LRIG3: variants seen among roughly 807,000 people sequenced by gnomAD.
The protein encoded by LRIG3 is leucine-rich repeats and immunoglobulin-like domains protein 3.
A neutral mutation model predicts 114.5 loss-of-function variants in LRIG3; 76 were observed. The observed-to-expected ratio is 0.66, with a 90% CI of 0.55 to 0.80. The LOEUF (loss-of-function observed/expected upper bound fraction) is 0.80, where lower values mean the gene tolerates loss of function less well. Ranked by LOEUF, LRIG3 falls within the 30% of genes least tolerant of loss-of-function variation. The pLI is 0.00. For missense variants in LRIG3, 1,239 were observed against 1,382.8 expected, an observed-to-expected ratio of 0.90 and a Z score of 1.65; for synonymous variants, 512 against 519.8, an observed-to-expected ratio of 0.98 and a Z score of 0.20.
chr12:58,890,187 T>A, intron 4 of LRIG3, 48 bp from the exon 5 acceptor site: 2 of 1,599,714 alleles, frequency 1.3e-6, no homozygotes, highest in Non-Finnish European at 1.7e-6. Context: ...TATTTGCAAG[T>A]TAAAGTGCAG....
chr12:58,874,400 G>C, intron 17 of LRIG3, 30 bp downstream of exon 17: 2 of 1,613,376 alleles, frequency 1.2e-6, no homozygotes, highest in Non-Finnish European at 1.7e-6. Flanking sequence ...CTAAGAAACA[G>C]AACTGTACTC....
chr12:58,914,330 T>C lies in LRIG3; in HGVS notation c.243A>G (p.Leu81=), dbSNP rs778626229. 6.2e-7 allele frequency: 1 copy of C among 1,611,606 alleles called. No individual in the cohort carries two copies. Among genetic ancestry groups the C allele is most frequent in the Non-Finnish European group, 8.5e-7 (1 of 1,178,368 alleles). The change falls in exon 2 of 19, where the codon TTA becomes TTG. Residue 81 remains leucine (L), a synonymous_variant. Coordinates refer to ENST00000320743, the MANE Select transcript of LRIG3 (RefSeq NM_153377.5). The part of the protein sequence containing the change: ...PLPSWVARLD[L]SHNRLSFIKA... ...TGATGAAAGATAATCTGTTGTGACT[T>C]AAGTCCCTATAAGAAAACAAAAATA...
chr12:58,872,389 T>C lies in LRIG3; in HGVS notation c.*183A>G, dbSNP rs1410722434. 5.0e-5 allele frequency: 24 copies of C among 483,538 alleles called. No individual in the cohort carries two copies. Among genetic ancestry groups the C allele is most frequent in the Non-Finnish European group, 5.7e-5 (17 of 298,332 alleles). The allele number at this position is 483,538 out of a possible 1,614,324, so 30.0% of individuals were successfully genotyped here. The stretch of plus-strand genomic sequence containing the variant: ...AATAGTTTAAAAAGGTATTCTTATA[T>C]GAGCATCATTCCCAGTATAAAAATT... On this transcript the variant is annotated 3_prime_UTR_variant, in exon 19 of 19. Transcript: ENST00000320743.
chr12:58,887,162 G>A (rs982004018), intron 8 of LRIG3: 8 of 350,586 alleles, frequency 2.3e-5, no homozygotes, highest in African/African-American at 1.1e-4. Context: ...TGAATGATCC[G>A]AACAGTCTGA....
At chr12:58,883,178 A>C in intron 11 of LRIG3, 146 bp from the exon 12 acceptor site, 1 of 754,410 alleles carries the variant, frequency 1.3e-6, no homozygotes, top group Non-Finnish European at 2.0e-6. Flanking sequence ...AGTCCATTTT[A>C]AAATACAAGA....
intron 3 of LRIG3, among the ~76,000 whole-genome samples, chr12:58,911,988 T>C (rs1181383599): frequency 6.6e-6 from 1 of 152,200 alleles, no homozygotes; most frequent in Non-Finnish European, 1.5e-5. Context: ...GGATGTATCA[T>C]TATGTGAGAC....
At position 58,872,665 on chromosome 12, in the gene LRIG3, TG is replaced by T. The variant is rs777126568; in HGVS notation, c.3266del (p.Thr1089LysfsTer16). 4.3e-6 allele frequency: 7 copies of T among 1,614,158 alleles called. No homozygotes were observed. In the African/African-American group the frequency reaches 8.0e-5, roughly 18 times the overall value. The stretch of plus-strand genomic sequence containing the variant: ...AAATGTGATTTTCTTCCTGAAAATC[TG>T]TCCTTTCTTTCCCATCTTCCTCTGA... ...SGSEEDGKERTDFQEENHICT... is the reference protein window; with the variant it reads ...SGSEEDGKERXDFQEENHICT... On this transcript the variant is annotated frameshift_variant, in exon 19 of 19. Transcript: ENST00000320743. LOFTEE classifies it high-confidence loss of function.
intron 8 of LRIG3, among the ~76,000 whole-genome samples, 194 bp downstream of exon 8, chr12:58,887,595 C>A (rs1871316715): frequency 6.6e-6 from 1 of 152,144 alleles, no homozygotes; most frequent in Non-Finnish European, 1.5e-5. Flanking sequence ...TGATCACTGT[C>A]CTTTTTAATC....
rs1159656891 is a variant in LRIG3, at chr12:58,874,171, G to C, written c.2999C>G (p.Thr1000Ser). ...AGGTCCTTCATTGTGAGAGTAACTA[G>C]TGTTAAGTAGCTTCCTCACATGTGA... is the stretch of plus-strand genomic sequence containing the variant. Reference protein sequence around the residue: ...WPSHVRKLLNTSYSHNEGPGM... With the variant: ...WPSHVRKLLNSSYSHNEGPGM... Residue 1000 changes from threonine (T) to serine (S), a missense_variant, in exon 18 of 19, where the codon ACT becomes AGT. By Grantham distance (58) the Thr-to-Ser change is moderately conservative (BLOSUM62 1). Transcript: ENST00000320743. 1.9e-6 allele frequency: 3 copies of C among 1,614,104 alleles called. No homozygotes were observed. The highest frequency in any genetic ancestry group is 2.5e-6 in the Non-Finnish European group (3 of 1,180,048).
intron 1 of LRIG3, chr12:58,919,338 A>T (rs1247541264): frequency 1.3e-6 from 2 of 1,532,690 alleles, no homozygotes; most frequent in Non-Finnish European, 1.8e-6. Context: ...AGCTACAGAA[A>T]TCACGCCCTT....
chr12:58,875,042 T>TG (rs1870868334), intron 16 of LRIG3, among the ~76,000 whole-genome samples: 1 of 152,244 alleles, frequency 6.6e-6, no homozygotes, highest in Admixed American at 6.5e-5. Flanking sequence ...GAGTAAATGA[T>TG]ATCATCAGGG....
In LRIG3 at chr12:58,877,634, C is replaced by G. The variant is rs1197691131; in HGVS notation, c.2302G>C (p.Glu768Gln). 1 of 1,614,216 alleles carries G rather than the reference C, an allele frequency of 6.2e-7. No homozygotes were observed. Among genetic ancestry groups the G allele is most frequent in the Non-Finnish European group, 8.5e-7 (1 of 1,180,046 alleles). ...TCAGTGCCAAGGGTGTTAGACATCT[C>G]ACATGTGTATTTCCCAGCATCACTG... ...DVSDAGKYTCEMSNTLGTERG... is the reference protein window; with the variant it reads ...DVSDAGKYTCQMSNTLGTERG... Residue 768 changes from glutamate to glutamine, a missense_variant, in exon 15 of 19, where the codon GAG (glutamate) becomes CAG (glutamine). Physicochemically the swap from Glu to Gln is conservative, Grantham distance 29. Coordinates refer to ENST00000320743, the MANE Select transcript of LRIG3 (RefSeq NM_153377.5).
At chr12:58,903,395 T>C (rs12824747) in intron 3 of LRIG3, among the ~76,000 whole-genome samples, 4 of 152,208 alleles carry the variant, frequency 2.6e-5, no homozygotes, top group African/African-American at 9.6e-5. Flanking sequence ...TCATATCCTT[T>C]GCCCACTTTT....
chr12:58,891,197 C>G (rs905788434), intron 3 of LRIG3, among the ~76,000 whole-genome samples: 1 of 152,088 alleles, frequency 6.6e-6, no homozygotes, highest in Non-Finnish European at 1.5e-5. Context: ...CTCACTGCAG[C>G]TCAAACTCCT....
intron 12 of LRIG3, 104 bp downstream of exon 12, chr12:58,882,765 A>G (rs1301417307): frequency 4.8e-6 from 6 of 1,254,838 alleles, no homozygotes; most frequent in East Asian, 2.5e-5. Context: ...CAGAAATAAA[A>G]GCTTTATAAA....
chr12:58,883,004 C>G lies in LRIG3; in HGVS notation c.1345G>C (p.Asp449His), dbSNP rs146931795. The part of the protein sequence containing the change: ...LHLNTSSLLC[D>H]CQLKWLPQWV... ...TGTGGGAGCCATTTTAGCTGGCAAT[C>G]GCACAAAAGGCTTGATGTATTTAAA... The change falls in exon 12 of 19, where the codon GAT (aspartate) becomes CAT (histidine). Residue 449 changes from aspartate (D) to histidine (H), a missense_variant. Transcript: ENST00000320743. 6 of 1,613,822 alleles carry G rather than the reference C, an allele frequency of 3.7e-6. No homozygotes were observed. The Admixed American group carries it at 1.0e-4, about 27-fold the overall frequency.
At chr12:58,887,515 G>A (rs1871314624) in intron 8 of LRIG3, among the ~76,000 whole-genome samples, 1 of 152,104 alleles carries the variant, frequency 6.6e-6, no homozygotes, top group Admixed American at 6.6e-5. Context: ...ACTTAAAATT[G>A]TTTCCCTCTT....
chr12:58,878,555 T>C (rs773038011), intron 14 of LRIG3, among the ~76,000 whole-genome samples: 6 of 152,070 alleles, frequency 3.9e-5, no homozygotes, highest in Non-Finnish European at 8.8e-5. Context: ...TGATCCCCCA[T>C]AAAAGGGAAA....
At chr12:58,880,066 G>A (rs1028573713) in intron 13 of LRIG3, among the ~76,000 whole-genome samples, 3 of 152,180 alleles carry the variant, frequency 2.0e-5, no homozygotes, top group African/African-American at 7.2e-5. Flanking sequence ...TGAGGCCAAG[G>A]TGGGCAGATC....
Sources: allele counts gnomAD v4.1 joint callset (sites outside exome capture counted in the v4.1 genomes callset), GRCh38; gene constraint gnomAD v4.1.1; transcripts MANE v1.5; gene names NCBI Gene and HGNC (gene_info 2026-07-23, HGNC 2026-07-21).